Variants in CNTN6 observed in about 807,000 individuals in gnomAD.
The protein encoded by CNTN6 is contactin-6.
In CNTN6, 137 loss-of-function variants were observed where a neutral mutation model predicts 122.8. The observed-to-expected ratio is 1.12, with a 90% CI of 0.97 to 1.29. The LOEUF (loss-of-function observed/expected upper bound fraction) is 1.29, where lower values mean the gene tolerates loss of function less well. Ranked by LOEUF, CNTN6 falls within the 50% of genes most tolerant of loss-of-function variation. The probability of loss-of-function intolerance (pLI) is 0.00; values close to 1 mark genes in which losing one functional copy is unlikely to be tolerated. For synonymous variants in CNTN6, 570 were observed against 426.0 expected, an observed-to-expected ratio of 1.34 and a Z score of -4.16; for missense variants, 1,634 against 1,223.4, an observed-to-expected ratio of 1.34 and a Z score of -5.01.
At chr3:1,171,592 C>A (rs75620930) in intron 2 of CNTN6, among the ~76,000 whole-genome samples, 3,189 of 152,180 alleles carry the variant, frequency 0.021, 52 homozygotes, top group Middle Eastern at 0.048. Context: ...AAAGTACCTT[C>A]GATTGAGAAC....
At chr3:1,115,768 TAAAC>T (rs954246781) in intron 1 of CNTN6, among the ~76,000 whole-genome samples, 7 of 151,568 alleles carry the variant, frequency 4.6e-5, no homozygotes, top group East Asian at 1.9e-4. Flanking sequence ...AATAAATAAA[TAAAC>T]AAACAAAAGA....
At chr3:1,396,057 T>C (rs75734765) in intron 20 of CNTN6, among the ~76,000 whole-genome samples, 154 of 152,274 alleles carry the variant, frequency 1.0e-3, no homozygotes, top group Non-Finnish European at 2.1e-3. Flanking sequence ...TTTTTCCTCC[T>C]AAAATGCCGT....
chr3:1,222,520 G>A (rs973914240), intron 3 of CNTN6, among the ~76,000 whole-genome samples: 2 of 151,908 alleles, frequency 1.3e-5, no homozygotes, highest in Non-Finnish European at 1.5e-5. Flanking sequence ...CAGTTAGAAG[G>A]ATATAAAATA....
intron 2 of CNTN6, among the ~76,000 whole-genome samples, chr3:1,178,466 A>T (rs576342536): frequency 6.6e-6 from 1 of 152,100 alleles, no homozygotes; most frequent in Non-Finnish European, 1.5e-5. Flanking sequence ...CCTGCTGATG[A>T]TGCATATTGT....
intron 6 of CNTN6, 78 bp from the exon 7 acceptor site, chr3:1,297,811 T>C (rs1696533323): frequency 2.8e-6 from 3 of 1,071,140 alleles, no homozygotes; most frequent in Non-Finnish European, 4.3e-6. Context: ...AATAATCAGG[T>C]TTTGGTTAAT....
intron 19 of CNTN6, among the ~76,000 whole-genome samples, chr3:1,383,910 T>G (rs1323174904): frequency 7.3e-6 from 1 of 137,634 alleles, no homozygotes; most frequent in Admixed American, 7.0e-5. Flanking sequence ...GGTGTTGCCA[T>G]GGCAGTGGTA....
chr3:1,099,549 A>T (rs975325077), intron 1 of CNTN6, among the ~76,000 whole-genome samples: 1 of 152,070 alleles, frequency 6.6e-6, no homozygotes, highest in East Asian at 1.9e-4. Context: ...TTATTGAGGG[A>T]TATTTAATTT....
Position 1,227,812 on chromosome 3 carries a change from T to G in CNTN6, c.183-6T>G. On this transcript the variant is annotated splice_region_variant and splice_polypyrimidine_tract_variant and intron_variant, in intron 3 of 22. Transcript: ENST00000446702. The stretch of plus-strand genomic sequence containing the variant: ...TATAAGCACTTTATTTTTTTTTTCC[T>G]TGAAGGTGGAAGCAAAATGGCACAG... 6.2e-7 allele frequency: 1 copy of G among 1,612,894 alleles called. No individual in the cohort carries two copies. The highest frequency in any genetic ancestry group is 8.5e-7 in the Non-Finnish European group (1 of 1,179,606).
intron 1 of CNTN6, among the ~76,000 whole-genome samples, chr3:1,118,966 C>T (rs1038549849): frequency 2.6e-5 from 4 of 151,996 alleles, no homozygotes; most frequent in Admixed American, 6.6e-5. Context: ...AAGGTGAGAA[C>T]GGTGAGTGGC....
chr3:1,094,629 T>C (rs1288687770), intron 1 of CNTN6, among the ~76,000 whole-genome samples: 1 of 152,122 alleles, frequency 6.6e-6, no homozygotes, highest in Non-Finnish European at 1.5e-5. Flanking sequence ...GTAGCTTTCC[T>C]TAATGAAAAC....
At chr3:1,256,345 G>A (rs1286328620) in intron 4 of CNTN6, among the ~76,000 whole-genome samples, 1 of 152,094 alleles carries the variant, frequency 6.6e-6, no homozygotes, top group East Asian at 1.9e-4. Context: ...ATATGATTGA[G>A]AAATTTTGGA....
intron 2 of CNTN6, among the ~76,000 whole-genome samples, chr3:1,186,775 G>C (rs2125363722): frequency 6.6e-6 from 1 of 151,758 alleles, no homozygotes; most frequent in East Asian, 1.9e-4. Context: ...GCCACACTCA[G>C]TAGCCTTTCT....
intron 4 of CNTN6, among the ~76,000 whole-genome samples, chr3:1,247,920 C>G (rs2094605006): frequency 6.6e-6 from 1 of 152,168 alleles, no homozygotes; most frequent in Non-Finnish European, 1.5e-5. Context: ...GGGCATCTCA[C>G]TATTCTCTGA....
At chr3:1,388,503 C>G (rs1248953027) in intron 20 of CNTN6, among the ~76,000 whole-genome samples, 1 of 151,558 alleles carries the variant, frequency 6.6e-6, no homozygotes. Flanking sequence ...AAACGCAGAG[C>G]GCCTCTCCTC....
At chr3:1,305,300 G>A (rs1431871285) in intron 7 of CNTN6, among the ~76,000 whole-genome samples, 4 of 152,164 alleles carry the variant, frequency 2.6e-5, no homozygotes, top group Non-Finnish European at 5.9e-5. Context: ...AAGCTAGTGT[G>A]AGTATAGAAT....
intron 1 of CNTN6, among the ~76,000 whole-genome samples, chr3:1,107,777 C>A (rs1420330558): frequency 1.3e-5 from 2 of 151,992 alleles, no homozygotes; most frequent in Non-Finnish European, 2.9e-5. Context: ...AGACCAATAT[C>A]TATAAGGGTT....
At chr3:1,289,052 G>A (rs1575569457) in intron 5 of CNTN6, among the ~76,000 whole-genome samples, 2 of 152,302 alleles carry the variant, frequency 1.3e-5, no homozygotes. Flanking sequence ...GTTAATAACC[G>A]ATAAATGTCA....
chr3:1,401,600 C>T (rs1695717562), intron 21 of CNTN6, 55 bp downstream of exon 21: 1 of 1,188,354 alleles, frequency 8.4e-7, no homozygotes, highest in Non-Finnish European at 1.2e-6. Context: ...AGGAATGAAA[C>T]ATGTGACACC....
chr3:1,297,222 T>A (rs1022669467), intron 6 of CNTN6, among the ~76,000 whole-genome samples: 14 of 152,154 alleles, frequency 9.2e-5, no homozygotes, highest in African/African-American at 3.4e-4. Context: ...ATTTTAGAAA[T>A]GTATTACTCT....
Sources: allele counts gnomAD v4.1 joint callset (sites outside exome capture counted in the v4.1 genomes callset), GRCh38; gene constraint gnomAD v4.1.1; transcripts MANE v1.5; gene names NCBI Gene and HGNC (gene_info 2026-07-23, HGNC 2026-07-21).